GLDC: variants seen among roughly 807,000 people sequenced by gnomAD.
GLDC encodes glycine dehydrogenase (decarboxylating), mitochondrial.
Under a neutral mutation model 121.3 loss-of-function variants are expected in GLDC, and 104 were observed. The ratio of observed to expected loss-of-function variants is 0.86; its 90% CI spans 0.73 to 1.01. The LOEUF (loss-of-function observed/expected upper bound fraction) is 1.01, where lower values mean the gene tolerates loss of function less well. Ranked by LOEUF, GLDC falls within the 50% of genes least tolerant of loss-of-function variation. The pLI is 0.00. For missense variants in GLDC, 1,429 were observed against 1,306.6 expected (o/e 1.09, Z -1.44); for synonymous variants, 546 against 480.6 (o/e 1.14, Z -1.78).
At position 6,554,786 on chromosome 9, in the gene GLDC, C is replaced by CACA; in HGVS notation, c.2203-8_2203-6dup. The CACA allele has an allele frequency of 6.2e-7, 1 of 1,608,148 alleles. No homozygotes were observed. Among genetic ancestry groups the CACA allele is most frequent in the Non-Finnish European group, 8.5e-7 (1 of 1,176,328 alleles). ...TCCAGGGCGACAGATTCCCACCTAC[C>CACA]ACAAAGGCAAGGGCCAAAAGCAAAA... On this transcript the variant is annotated splice_region_variant and splice_polypyrimidine_tract_variant and intron_variant, in intron 18 of 24. Transcript: ENST00000321612.
chr9:6,594,995 A>G lies in GLDC; in HGVS notation c.1261+19T>C, dbSNP rs192870343. ...CAATTTTATTATGCCCAAATGTTTT[A>G]GACAGATTACCAACTCACCTTCTGA... On this transcript the variant is annotated intron_variant, in intron 9 of 24. Coordinates refer to ENST00000321612, the MANE Select transcript of GLDC (RefSeq NM_000170.3). 1,101 of 1,395,912 alleles carry G rather than the reference A, an allele frequency of 7.9e-4. 6 individuals are homozygous for G. In the African/African-American group the frequency reaches 0.014, roughly 18 times the overall value. The allele number at this position is 1,395,912 out of a possible 1,614,324, so 86.5% of individuals were successfully genotyped here.
intron 15 of GLDC, among the ~76,000 whole-genome samples, chr9:6,576,090 T>G (rs1379276180): frequency 2.6e-5 from 4 of 152,212 alleles, no homozygotes; most frequent in Non-Finnish European, 1.5e-5. Flanking sequence ...CAGTGAAGGC[T>G]TGGCTACATC....
chr9:6,555,807 A>C (rs1202694221), intron 18 of GLDC, among the ~76,000 whole-genome samples: 1 of 152,072 alleles, frequency 6.6e-6, no homozygotes, highest in Non-Finnish European at 1.5e-5. Flanking sequence ...AGAAAGAAAG[A>C]AAGAAAAAGG....
intron 8 of GLDC, among the ~76,000 whole-genome samples, chr9:6,599,861 T>A (rs1463515588): frequency 1.3e-5 from 2 of 152,166 alleles, no homozygotes; most frequent in Non-Finnish European, 2.9e-5. Context: ...GGCACCTTCC[T>A]GAGGCAAAAC....
chr9:6,539,346 G>T (rs538736661), intron 22 of GLDC, among the ~76,000 whole-genome samples: 30 of 152,056 alleles, frequency 2.0e-4, no homozygotes, highest in African/African-American at 6.0e-4. Flanking sequence ...GGGTATGGTG[G>T]TGTGCACCTG....
intron 3 of GLDC, among the ~76,000 whole-genome samples, chr9:6,618,120 T>G (rs1819002547): frequency 6.6e-6 from 1 of 152,234 alleles, no homozygotes; most frequent in African/African-American, 2.4e-5. Context: ...TATGTCTGAT[T>G]TGTTTCCATG....
chr9:6,551,951 C>G (rs953005112), intron 20 of GLDC, among the ~76,000 whole-genome samples: 1 of 152,182 alleles, frequency 6.6e-6, no homozygotes, highest in African/African-American at 2.4e-5. Flanking sequence ...TAAGTCCAAC[C>G]CTACATGTGC....
chr9:6,638,375 C>G (rs150218135), intron 2 of GLDC, among the ~76,000 whole-genome samples: 261 of 152,094 alleles, frequency 1.7e-3, no homozygotes, highest in African/African-American at 5.9e-3. Context: ...CCACCACGCC[C>G]AGGTAATTTC....
intron 6 of GLDC, 84 bp downstream of exon 6, chr9:6,605,047 A>G (rs962706802): frequency 8.5e-6 from 11 of 1,301,546 alleles, no homozygotes; most frequent in South Asian, 1.2e-5. Flanking sequence ...ATTAAGGCAC[A>G]TGAAAAGACA....
At chr9:6,612,664 C>G (rs1395499709) in intron 3 of GLDC, among the ~76,000 whole-genome samples, 1 of 152,100 alleles carries the variant, frequency 6.6e-6, no homozygotes, top group South Asian at 2.1e-4. Flanking sequence ...GAGTTCGAGA[C>G]GAGCCTGGCC....
intron 2 of GLDC, 158 bp downstream of exon 2, chr9:6,644,456 C>A: frequency 1.5e-6 from 1 of 676,200 alleles, no homozygotes; most frequent in Non-Finnish European, 2.7e-6. Flanking sequence ...AAATATCCCA[C>A]CTTCCCGCGG....
chr9:6,602,648 C>T (rs1159489409), intron 7 of GLDC, among the ~76,000 whole-genome samples: 1 of 152,048 alleles, frequency 6.6e-6, no homozygotes, highest in African/African-American at 2.4e-5. Flanking sequence ...CCACTGTGCC[C>T]AGCAGGATTA....
chr9:6,559,716 G>A (rs1483052318), intron 16 of GLDC, among the ~76,000 whole-genome samples: 2 of 151,448 alleles, frequency 1.3e-5, no homozygotes, highest in African/African-American at 4.9e-5. Flanking sequence ...TCAGGAGGCT[G>A]AGACAGAAGA....
intron 5 of GLDC, 78 bp downstream of exon 5, chr9:6,606,514 G>T: frequency 2.1e-6 from 2 of 937,920 alleles, no homozygotes; most frequent in South Asian, 1.3e-5. Flanking sequence ...CAATCAGTTT[G>T]GAAGTGAGAA....
intron 2 of GLDC, among the ~76,000 whole-genome samples, chr9:6,635,906 A>T (rs1819491383): frequency 6.6e-6 from 1 of 152,064 alleles, no homozygotes; most frequent in Non-Finnish European, 1.5e-5. Flanking sequence ...ATAAAAATAA[A>T]ATGTTTTAAA....
chr9:6,603,751 G>C (rs1818671142), intron 7 of GLDC, among the ~76,000 whole-genome samples: 2 of 140,000 alleles, frequency 1.4e-5, no homozygotes, highest in Admixed American at 7.4e-5. Flanking sequence ...TTTTTTTTGA[G>C]ATGGAGTCTC....
intron 3 of GLDC, among the ~76,000 whole-genome samples, chr9:6,617,811 G>A (rs529404945): frequency 1.1e-4 from 17 of 152,352 alleles, no homozygotes; most frequent in Admixed American, 6.5e-5. Flanking sequence ...AAGATGCAAA[G>A]TGTTTATCAA....
chr9:6,582,533 T>C (rs558903637), intron 15 of GLDC, among the ~76,000 whole-genome samples: 17 of 120,562 alleles, frequency 1.4e-4, no homozygotes, highest in South Asian at 2.6e-4. Flanking sequence ...AAAAAAAAGA[T>C]ATAAAGAACT....
intron 10 of GLDC, 56 bp downstream of exon 10, chr9:6,592,795 T>G: frequency 1.5e-3 from 2,213 of 1,500,926 alleles, no homozygotes; most frequent in Non-Finnish European, 1.8e-3. Flanking sequence ...AACCTTTTAA[T>G]GAGAAACAAT....
Sources: gnomAD v4.1 joint callset for allele counts (sites outside exome capture counted in the v4.1 genomes callset) on GRCh38, gnomAD v4.1.1 for gene constraint, MANE v1.5 for transcripts, NCBI Gene and HGNC (gene_info 2026-07-23, HGNC 2026-07-21) for gene names.